MPPED1: variants seen among roughly 807,000 people sequenced by gnomAD.
MPPED1 encodes metallophosphoesterase domain containing 1, also known as metallophosphoesterase domain-containing protein 1.
Under a neutral mutation model 36.2 loss-of-function variants are expected in MPPED1, and 16 were observed. That is an observed-to-expected ratio of 0.44 (90% CI 0.30 to 0.67). The LOEUF is 0.67. MPPED1 is among the 30% of genes least tolerant of loss of function. The pLI is 0.10. For synonymous variants in MPPED1, 199 were observed against 191.3 expected (o/e 1.04, Z -0.33); for missense variants, 307 against 453.4 (o/e 0.68, Z 2.93).
chr22:43,429,379 G>T (rs1929594193), intron 2 of MPPED1, among the ~76,000 whole-genome samples: 1 of 152,230 alleles, frequency 6.6e-6, no homozygotes, highest in Non-Finnish European at 1.5e-5. Context: ...GGCACTGCCT[G>T]GCTCTCATCC....
At chr22:43,431,021 ATTTTTTTTTTTTTTTTTTTTTTTT>A (rs135076) in intron 2 of MPPED1, among the ~76,000 whole-genome samples, 14 of 42,278 alleles carry the variant, frequency 3.3e-4, no homozygotes, top group African/African-American at 8.5e-4. Flanking sequence ...GTTGTTGTTA[ATTTTTTTTTTTTTTTTTTTTTTTT>A]TTTTTTTTTT....
intron 5 of MPPED1, among the ~76,000 whole-genome samples, chr22:43,499,887 A>G (rs1288330805): frequency 2.7e-3 from 14 of 5,244 alleles, no homozygotes; most frequent in Admixed American, 5.9e-3. Flanking sequence ...GGAGGTGGTG[A>G]TGGGGGTGGT....
chr22:43,451,617 C>T (rs984891977), intron 3 of MPPED1, among the ~76,000 whole-genome samples: 1 of 152,232 alleles, frequency 6.6e-6, no homozygotes, highest in African/African-American at 2.4e-5. Context: ...TCTTTGGTAA[C>T]ATCCCAACCT....
At position 43,498,412 on chromosome 22, in the gene MPPED1, A is replaced by G. The variant is rs1932501479; in HGVS notation, c.748+62A>G. The G allele has an allele frequency of 1.8e-5, 24 of 1,357,210 alleles. No homozygotes were observed. In the South Asian group the frequency reaches 3.1e-4, roughly 17 times the overall value. 84.1% of individuals were successfully genotyped at this position (1,357,210 alleles called of 1,614,324 possible). A position where few individuals can be genotyped will look rare whatever the true frequency, so the allele number is the denominator to read the frequency against. On this transcript the variant is annotated intron_variant, in intron 5 of 6. Transcript: ENST00000443721. ...TCTGGGCTGGTGGGTGGGCTCTGGG[A>G]TGGGGGGCTGGCTGGGCCTGTATAG...
chr22:43,470,991 A>AT lies in MPPED1; in HGVS notation c.407-3743dup, dbSNP rs1314826386. On this transcript the variant is annotated intron_variant, in intron 3 of 6. Coordinates refer to ENST00000443721, the MANE Select transcript of MPPED1 (RefSeq NM_001044370.2). ...GGTGGCTCCTGCCCTGCTCCCTTGCATTATGTATGGGAGCTGGGCCTTGTG... is the reference window on the plus strand; with the variant it reads ...GGTGGCTCCTGCCCTGCTCCCTTGCATTTATGTATGGGAGCTGGGCCTTGTG... Among the ~76,000 whole-genome samples the AT allele has an allele frequency of 4.6e-5, 7 of 152,298 alleles. No homozygotes were observed. In the East Asian group the frequency reaches 1.4e-3, roughly 29 times the overall value.
At position 43,505,701 on chromosome 22, in the gene MPPED1, T is replaced by C; in HGVS notation, c.*85T>C. Reference sequence around the variant, plus strand: ...ACTGTTCCTTCCATGCTGAGTTGCCTGGACGACCCATCTGGCTGCGGGGAC... The same window carrying C: ...ACTGTTCCTTCCATGCTGAGTTGCCCGGACGACCCATCTGGCTGCGGGGAC... On this transcript the variant is annotated 3_prime_UTR_variant, in exon 7 of 7. Transcript: ENST00000443721. 1 of 1,259,912 alleles carries C rather than the reference T, an allele frequency of 7.9e-7. No individual in the cohort carries two copies. The highest frequency in any genetic ancestry group is 1.4e-5 in the South Asian group (1 of 72,900). The allele number at this position is 1,259,912 out of a possible 1,614,324, so 78.0% of individuals were successfully genotyped here. A position where few individuals can be genotyped will look rare whatever the true frequency, so the allele number is the denominator to read the frequency against.
At chr22:43,466,877 T>C (rs1427857359) in intron 3 of MPPED1, among the ~76,000 whole-genome samples, 1 of 152,218 alleles carries the variant, frequency 6.6e-6, no homozygotes, top group Non-Finnish European at 1.5e-5. Flanking sequence ...CACCTCCTGA[T>C]TGTCCCTGGT....
chr22:43,425,595 C>G (rs959551266), intron 2 of MPPED1, among the ~76,000 whole-genome samples: 1 of 152,246 alleles, frequency 6.6e-6, no homozygotes, highest in African/African-American at 2.4e-5. Context: ...CGATCCCTTT[C>G]TTGGCATTTG....
intron 1 of MPPED1, 111 bp downstream of exon 1, chr22:43,412,269 C>G (rs1928929164): frequency 7.1e-6 from 5 of 705,022 alleles, no homozygotes; most frequent in South Asian, 1.2e-4. Context: ...TGCGCAGGGG[C>G]GCCCGCAAAG....
intron 3 of MPPED1, among the ~76,000 whole-genome samples, chr22:43,444,320 G>GTGTA (rs1433714202): frequency 3.8e-5 from 5 of 130,050 alleles, no homozygotes; most frequent in African/African-American, 1.4e-4. Flanking sequence ...GTGTGTGTGT[G>GTGTA]TATCAAACAT....
At chr22:43,465,786 C>T (rs749053508) in intron 3 of MPPED1, among the ~76,000 whole-genome samples, 26 of 152,278 alleles carry the variant, frequency 1.7e-4, no homozygotes, top group Non-Finnish European at 2.1e-4. Flanking sequence ...GTGTGTGGAA[C>T]AGCAGATGCG....
At chr22:43,501,784 C>T (rs1355793805) in intron 5 of MPPED1, among the ~76,000 whole-genome samples, 2 of 152,074 alleles carry the variant, frequency 1.3e-5, no homozygotes, top group African/African-American at 4.8e-5. Flanking sequence ...CTGTGCCCAA[C>T]CCATTCCTGG....
At chr22:43,486,393 A>G (rs544639412) in intron 4 of MPPED1, among the ~76,000 whole-genome samples, 1 of 152,216 alleles carries the variant, frequency 6.6e-6, no homozygotes, top group African/African-American at 2.4e-5. Flanking sequence ...TGGGGTGGGA[A>G]GAACAAACGG....
rs371082889 is a variant in MPPED1, at chr22:43,447,383, A to G, written c.406+12168A>G. ...TTTTATTCCAGAACAGGAATAATGA[A>G]CAAGCCAGAAAATCCTGGCCAGCAC... On this transcript the variant is annotated intron_variant, in intron 3 of 6. Coordinates refer to ENST00000443721, the MANE Select transcript of MPPED1 (RefSeq NM_001044370.2). Among the ~76,000 whole-genome samples, 24 of 152,260 alleles carry G rather than the reference A, an allele frequency of 1.6e-4. No individual in the cohort carries two copies. The East Asian group carries it at 2.7e-3, about 17-fold the overall frequency.
intron 2 of MPPED1, among the ~76,000 whole-genome samples, chr22:43,431,021 A>ATTTTT (rs135076): frequency 1.7e-4 from 7 of 42,306 alleles, no homozygotes; most frequent in East Asian, 7.3e-4. Context: ...GTTGTTGTTA[A>ATTTTT]TTTTTTTTTT....
intron 6 of MPPED1, among the ~76,000 whole-genome samples, chr22:43,504,400 C>T (rs1410529386): frequency 1.3e-5 from 2 of 151,504 alleles, no homozygotes; most frequent in Non-Finnish European, 2.9e-5. Flanking sequence ...CTGGTGATAA[C>T]AGTGGCGATG....
chr22:43,497,659 C>T (rs953376467), intron 4 of MPPED1, among the ~76,000 whole-genome samples: 2 of 151,830 alleles, frequency 1.3e-5, no homozygotes, highest in African/African-American at 2.4e-5. Flanking sequence ...TCTAGGTCCA[C>T]CTGGCCCCAC....
intron 3 of MPPED1, among the ~76,000 whole-genome samples, chr22:43,458,407 T>A (rs1351009857): frequency 1.3e-5 from 2 of 151,916 alleles, no homozygotes; most frequent in East Asian, 3.9e-4. Flanking sequence ...TGCCTCAGCC[T>A]CCCAAGTAGC....
chr22:43,447,883 A>ATATATATATATATATATATATATTTTT (rs1321289636), intron 3 of MPPED1, among the ~76,000 whole-genome samples: 19 of 67,692 alleles, frequency 2.8e-4, no homozygotes, highest in Non-Finnish European at 4.5e-4. Flanking sequence ...ATATATATAT[A>ATATATATATATATATATATATATTTTT]TTTTTTTTTT....
Sources: allele counts gnomAD v4.1 joint callset (sites outside exome capture counted in the v4.1 genomes callset), GRCh38; gene constraint gnomAD v4.1.1; transcripts MANE v1.5; gene names NCBI Gene and HGNC (gene_info 2026-07-23, HGNC 2026-07-21).